SEMA6D: variants seen among roughly 807,000 people sequenced by gnomAD.
SEMA6D encodes the protein semaphorin-6D.
Under a neutral mutation model 106.6 loss-of-function variants are expected in SEMA6D, and 35 were observed. The observed-to-expected ratio is 0.33, with a 90% CI of 0.25 to 0.44. The LOEUF (loss-of-function observed/expected upper bound fraction) is 0.44, where lower values mean the gene tolerates loss of function less well. Among genes scored for constraint, SEMA6D ranks in the 20% least tolerant of loss-of-function variants. SEMA6D has a pLI of 1.00. For synonymous variants in SEMA6D, 499 were observed against 487.7 expected, an observed-to-expected ratio of 1.02 and a Z score of -0.31; for missense variants, 1,185 against 1,345.9, an observed-to-expected ratio of 0.88 and a Z score of 1.87.
intron 1 of SEMA6D, among the ~76,000 whole-genome samples, chr15:47,403,026 A>C (rs1567054956): frequency 6.6e-6 from 1 of 152,140 alleles, no homozygotes; most frequent in African/African-American, 2.4e-5. Context: ...AAAGAAAAGC[A>C]ATTATGCATT....
intron 2 of SEMA6D, among the ~76,000 whole-genome samples, chr15:47,430,850 G>A (rs2041500329): frequency 6.6e-6 from 1 of 152,094 alleles, no homozygotes; most frequent in Non-Finnish European, 1.5e-5. Context: ...TAGTTGAGGT[G>A]GGATGGAGGT....
chr15:47,214,961 C>T (rs1022206579), intron 1 of SEMA6D, among the ~76,000 whole-genome samples: 1 of 151,648 alleles, frequency 6.6e-6, no homozygotes, highest in African/African-American at 2.4e-5. Context: ...CTGACAGTTA[C>T]ATGGATTTAA....
At position 47,290,424 on chromosome 15, in the gene SEMA6D, A is replaced by T. The variant is rs1301029671; in HGVS notation, c.-239+106006A>T. Among the ~76,000 whole-genome samples the T allele has an allele frequency of 2.0e-5, 3 of 152,196 alleles. No homozygotes were observed. In the East Asian group the frequency reaches 5.8e-4, roughly 29 times the overall value. On this transcript the variant is annotated intron_variant, in intron 1 of 19. Transcript: ENST00000558014. ...AAGAGAGAGATTGAGAAACTGGGAG[A>T]TGAAGAATTGTTCAGTTCTGTGTAA...
chr15:47,213,589 T>G (rs2030259579), intron 1 of SEMA6D, among the ~76,000 whole-genome samples: 1 of 152,246 alleles, frequency 6.6e-6, no homozygotes, highest in Non-Finnish European at 1.5e-5. Flanking sequence ...TGGTCTTACA[T>G]GCTTAGCTAT....
intron 4 of SEMA6D, among the ~76,000 whole-genome samples, chr15:47,685,940 G>A (rs866349525): frequency 5.9e-5 from 9 of 152,204 alleles, no homozygotes; most frequent in Non-Finnish European, 1.3e-4. Flanking sequence ...ATTTAAAATA[G>A]GGAATGGATG....
intron 1 of SEMA6D, among the ~76,000 whole-genome samples, chr15:47,216,513 T>C (rs1004024040): frequency 1.3e-5 from 2 of 152,164 alleles, no homozygotes; most frequent in African/African-American, 4.8e-5. Flanking sequence ...GGAAGCCAAA[T>C]TGTAATCAGA....
At chr15:47,453,649 G>A (rs1169016783) in intron 2 of SEMA6D, among the ~76,000 whole-genome samples, 1 of 151,864 alleles carries the variant, frequency 6.6e-6, no homozygotes, top group Non-Finnish European at 1.5e-5. Flanking sequence ...AAAACCAATA[G>A]CCCCACTCCA....
intron 4 of SEMA6D, among the ~76,000 whole-genome samples, chr15:47,707,577 T>C (rs1308079841): frequency 2.0e-5 from 3 of 152,036 alleles, no homozygotes; most frequent in African/African-American, 7.2e-5. Flanking sequence ...GAGGACAGAG[T>C]CTAGGAATGT....
chr15:47,761,395 T>A lies in SEMA6D; in HGVS notation c.411T>A (p.Gly137=). The change falls in exon 6 of 19, where the codon GGT becomes GGA. Residue 137 remains glycine, a synonymous_variant. Coordinates refer to ENST00000536845, the MANE Select transcript of SEMA6D (RefSeq NM_001358351.3). ...PRNDEMVFVC[G]TNAFNPMCRY... is the part of the protein sequence containing the mutation. Reference sequence around the variant, plus strand: ...ACGATGAGATGGTTTTTGTTTGTGGTACCAATGCATTCAATCCCATGTGTA... The same window carrying A: ...ACGATGAGATGGTTTTTGTTTGTGGAACCAATGCATTCAATCCCATGTGTA... The A allele has an allele frequency of 6.2e-7, 1 of 1,613,360 alleles. No individual in the cohort carries two copies. Among genetic ancestry groups the A allele is most frequent in the East Asian group, 2.2e-5 (1 of 44,834 alleles).
intron 3 of SEMA6D, among the ~76,000 whole-genome samples, chr15:47,477,985 T>G (rs1479206954): frequency 1.3e-5 from 2 of 152,152 alleles, no homozygotes; most frequent in African/African-American, 4.8e-5. Flanking sequence ...ATCAATAAAC[T>G]CTTCAATGTT....
chr15:47,211,000 G>T lies in SEMA6D; in HGVS notation c.-239+26582G>T, dbSNP rs952513279. 5.9e-5 allele frequency among the ~76,000 whole-genome samples: 9 copies of T among 151,900 alleles called. No homozygotes were observed. The East Asian group carries it at 1.7e-3, about 29-fold the overall frequency. On this transcript the variant is annotated intron_variant, in intron 1 of 19. Transcript: ENST00000558014. The stretch of plus-strand genomic sequence containing the variant: ...TGATAATTTTTTTAAAGTAACACAT[G>T]TATATAATTAGAAATTTTAAATTGT...
At chr15:47,186,595 C>T (rs1475423987) in intron 1 of SEMA6D, among the ~76,000 whole-genome samples, 7 of 151,288 alleles carry the variant, frequency 4.6e-5, no homozygotes, top group Admixed American at 1.3e-4. Flanking sequence ...CAATGCCGTT[C>T]GTGCCCACTG....
chr15:47,429,445 G>A (rs560203381), intron 2 of SEMA6D, among the ~76,000 whole-genome samples: 2 of 152,216 alleles, frequency 1.3e-5, no homozygotes, highest in South Asian at 4.1e-4. Flanking sequence ...AAGGAATCTA[G>A]CCATTCTTTC....
intron 2 of SEMA6D, among the ~76,000 whole-genome samples, chr15:47,413,373 A>G (rs2040862472): frequency 6.6e-6 from 1 of 152,222 alleles, no homozygotes; most frequent in Non-Finnish European, 1.5e-5. Flanking sequence ...AATTAAAAAC[A>G]TAATACCCAT....
chr15:47,748,760 A>C (rs1021548192), intron 1 of SEMA6D, among the ~76,000 whole-genome samples: 2 of 152,246 alleles, frequency 1.3e-5, no homozygotes, highest in African/African-American at 4.8e-5. Flanking sequence ...AAATGAATTT[A>C]GACTTTACAC....
At chr15:47,676,475 A>G (rs530166068) in intron 4 of SEMA6D, among the ~76,000 whole-genome samples, 1 of 152,364 alleles carries the variant, frequency 6.6e-6, no homozygotes, top group South Asian at 2.1e-4. Context: ...TCATTGGTCA[A>G]CAATTAGTGC....
In SEMA6D at chr15:47,624,386, G is replaced by C. The variant is rs561385877; in HGVS notation, c.-55+23490G>C. ...AGAGTTATTAATGGTGTTGACCTGAGAAGCTCTATCAAACACTTTCTGGTA... is the reference window on the plus strand; with the variant it reads ...AGAGTTATTAATGGTGTTGACCTGACAAGCTCTATCAAACACTTTCTGGTA... On this transcript the variant is annotated intron_variant, in intron 4 of 19. Transcript: ENST00000558014. Among the ~76,000 whole-genome samples, 6 of 152,346 alleles carry C rather than the reference G, an allele frequency of 3.9e-5. No homozygotes were observed. The South Asian group carries it at 1.2e-3, about 32-fold the overall frequency.
intron 18 of SEMA6D, among the ~76,000 whole-genome samples, chr15:47,769,142 T>A (rs2082499772): frequency 6.6e-6 from 1 of 152,202 alleles, no homozygotes; most frequent in Middle Eastern, 3.2e-3. Context: ...GACTCTTGTT[T>A]AGCTTCAATT....
At chr15:47,450,975 G>A (rs376841950) in intron 2 of SEMA6D, among the ~76,000 whole-genome samples, 1 of 152,062 alleles carries the variant, frequency 6.6e-6, no homozygotes, top group Non-Finnish European at 1.5e-5. Flanking sequence ...AGTAGTGGAA[G>A]TCTCCACTTC....
Sources: allele counts gnomAD v4.1 joint callset (sites outside exome capture counted in the v4.1 genomes callset), GRCh38; gene constraint gnomAD v4.1.1; transcripts MANE v1.5; gene names NCBI Gene and HGNC (gene_info 2026-07-23, HGNC 2026-07-21).